Variants in TRPM3 observed in about 807,000 individuals in gnomAD.
The protein encoded by TRPM3 is long transient receptor potential channel 3.
TRPM3 carries 77 observed loss-of-function variants against 181.2 expected under a neutral mutation model. The observed-to-expected ratio is 0.42, with a 90% CI of 0.35 to 0.51. The LOEUF (loss-of-function observed/expected upper bound fraction) is 0.51. Ranked by LOEUF, TRPM3 falls within the 20% of genes least tolerant of loss-of-function variation. The pLI, the probability that TRPM3 is intolerant of heterozygous loss-of-function variation, is 0.01. For missense variants in TRPM3, 1,759 were observed against 2,196.7 expected, an observed-to-expected ratio of 0.80 and a Z score of 3.98; for synonymous variants, 745 against 796.4, an observed-to-expected ratio of 0.94 and a Z score of 1.09.
chr9:71,095,942 C>T (rs2067115580), intron 1 of TRPM3, among the ~76,000 whole-genome samples: 1 of 151,988 alleles, frequency 6.6e-6, no homozygotes, highest in African/African-American at 2.4e-5. Context: ...TATAAAATCA[C>T]AATTCTCTTC....
At chr9:71,121,745 T>C, upstream of TRPM3, 1 of 486,018 alleles carries the variant, frequency 2.1e-6, no homozygotes, top group Non-Finnish European at 2.7e-6. Context: ...GGAACAAAAA[T>C]GAAGCCAGAA....
Position 70,920,147 on chromosome 9 carries a change from CT to C in TRPM3, c.178-55637del, listed in dbSNP as rs535532190. The stretch of plus-strand genomic sequence containing the variant: ...TTACCTCAAAAGGCTAAGGACCAGT[CT>C]TTTTTTATTACTTCATCTTCAATAT... On this transcript the variant is annotated intron_variant, in intron 1 of 25. Transcript: ENST00000677713. Among the ~76,000 whole-genome samples the C allele has an allele frequency of 2.2e-3, 342 of 152,290 alleles. 3 individuals are homozygous for C. The highest frequency in any genetic ancestry group is 7.6e-3 in the African/African-American group (316 of 41,564).
At chr9:70,678,131 G>A (rs1413192472) in intron 9 of TRPM3, among the ~76,000 whole-genome samples, 1 of 152,110 alleles carries the variant, frequency 6.6e-6, no homozygotes, top group African/African-American at 2.4e-5. Context: ...TGAGACCACC[G>A]ACCTTGTGGA....
In TRPM3 at chr9:71,023,253, G is replaced by A. The variant is rs567842423; in HGVS notation, c.177+97925C>T. ...ATGAAAAGATGTTCAAACGTAATTCGCCATCAGGGAAATGCAAATTAAAAC... is the reference window on the plus strand; with the variant it reads ...ATGAAAAGATGTTCAAACGTAATTCACCATCAGGGAAATGCAAATTAAAAC... On this transcript the variant is annotated intron_variant, in intron 1 of 25. Transcript: ENST00000677713. Among the ~76,000 whole-genome samples the A allele has an allele frequency of 2.6e-4, 40 of 152,180 alleles. No individual in the cohort carries two copies. In the East Asian group the frequency reaches 3.9e-3, roughly 15 times the overall value.
At chr9:71,032,085 ATATAATT>A (rs2057532187) in intron 1 of TRPM3, among the ~76,000 whole-genome samples, 1 of 11,708 alleles carries the variant, frequency 8.5e-5, no homozygotes. Flanking sequence ...TATTATATAT[ATATAATT>A]ATATAATATT....
At chr9:70,555,117 C>T (rs761043948) in intron 22 of TRPM3, among the ~76,000 whole-genome samples, 57 of 152,280 alleles carry the variant, frequency 3.7e-4, no homozygotes, top group South Asian at 1.2e-3. Flanking sequence ...AAATGCCATG[C>T]GCTCTCTTAC....
intron 22 of TRPM3, among the ~76,000 whole-genome samples, chr9:70,562,202 T>A (rs1239004356): frequency 6.6e-6 from 1 of 152,206 alleles, no homozygotes; most frequent in Non-Finnish European, 1.5e-5. Flanking sequence ...TGTGGTTGAC[T>A]GAAGTTTGGG....
chr9:70,913,363 G>T (rs2096557880), intron 1 of TRPM3, among the ~76,000 whole-genome samples: 1 of 152,286 alleles, frequency 6.6e-6, no homozygotes, highest in East Asian at 1.9e-4. Context: ...AATCAGTGCA[G>T]TGTAGTGACC....
rs551382474 is a variant in TRPM3 at position 70,807,654 on chromosome 9, A to G, written c.973+20193T>C. On this transcript the variant is annotated intron_variant, in intron 6 of 25. Transcript: ENST00000677713. Reference sequence around the variant, plus strand: ...AAGGTTTTCAGAATGACCACAATGAATAAGACACAGGCTGTGCTCTATAGG... The same window carrying G: ...AAGGTTTTCAGAATGACCACAATGAGTAAGACACAGGCTGTGCTCTATAGG... 5.3e-3 allele frequency among the ~76,000 whole-genome samples: 805 copies of G among 152,274 alleles called. 3 individuals carry two copies. Among genetic ancestry groups the G allele is most frequent in the Non-Finnish European group, 8.9e-3 (602 of 68,020 alleles).
At chr9:70,792,500 A>G (rs2131023334) in intron 6 of TRPM3, among the ~76,000 whole-genome samples, 1 of 151,840 alleles carries the variant, frequency 6.6e-6, no homozygotes, top group South Asian at 2.1e-4. Context: ...AAAGAGAGGG[A>G]AAAAGAGGGA....
chr9:71,208,754 T>C (rs2079286245), intron 1 of TRPM3, among the ~76,000 whole-genome samples: 1 of 152,226 alleles, frequency 6.6e-6, no homozygotes, highest in South Asian at 2.1e-4. Context: ...TAAATAATTA[T>C]ATCATATCTG....
At chr9:71,186,323 C>A (rs950580868) in intron 1 of TRPM3, among the ~76,000 whole-genome samples, 1 of 152,056 alleles carries the variant, frequency 6.6e-6, no homozygotes, top group Non-Finnish European at 1.5e-5. Context: ...ATATCAAAAA[C>A]ATTTCAGAAA....
chr9:70,900,495 T>C (rs2096369460), intron 1 of TRPM3, among the ~76,000 whole-genome samples: 1 of 152,188 alleles, frequency 6.6e-6, no homozygotes, highest in Non-Finnish European at 1.5e-5. Context: ...TAGGAATAGA[T>C]TAAAATTTTA....
intron 20 of TRPM3, among the ~76,000 whole-genome samples, chr9:70,602,634 G>A (rs1194934129): frequency 6.6e-6 from 1 of 152,180 alleles, no homozygotes; most frequent in Non-Finnish European, 1.5e-5. Flanking sequence ...GAGTGGGGCT[G>A]CAGAGCCCTC....
At chr9:71,221,405 G>C (rs1269123463) in intron 1 of TRPM3, among the ~76,000 whole-genome samples, 1 of 151,994 alleles carries the variant, frequency 6.6e-6, no homozygotes, top group Non-Finnish European at 1.5e-5. Flanking sequence ...TAAATTTCTA[G>C]GAGCCAAATA....
chr9:70,811,062 A>C lies in TRPM3; in HGVS notation c.973+16785T>G, dbSNP rs78495720. 5 of 818,828 alleles carry C rather than the reference A, an allele frequency of 6.1e-6. No homozygotes were observed. The South Asian group carries it at 6.8e-5, about 11-fold the overall frequency. The allele number at this position is 818,828 out of a possible 1,614,324, so 50.7% of individuals were successfully genotyped here. A position where few individuals can be genotyped will look rare whatever the true frequency, so the allele number is the denominator to read the frequency against. On this transcript the variant is annotated intron_variant, in intron 6 of 25. Transcript: ENST00000677713. ...TCAGAAGAGATAGAGATAAAACAAC[A>C]GTCATAGGGAGTGATACTGTTAGGA...
At chr9:70,764,102 G>A (rs115165566) in intron 7 of TRPM3, among the ~76,000 whole-genome samples, 2 of 152,146 alleles carry the variant, frequency 1.3e-5, no homozygotes, top group Admixed American at 6.5e-5. Context: ...CGAAGGTGAC[G>A]TTATAGAGAT....
intron 8 of TRPM3, among the ~76,000 whole-genome samples, chr9:70,689,518 C>CT (rs1215056856): frequency 9.2e-5 from 8 of 86,692 alleles, no homozygotes; most frequent in African/African-American, 3.7e-4. Context: ...CACTAAATTA[C>CT]TTTAAAAAAA....
intron 19 of TRPM3, among the ~76,000 whole-genome samples, chr9:70,605,911 A>G (rs186971501): frequency 1.3e-5 from 2 of 152,208 alleles, no homozygotes; most frequent in African/African-American, 4.8e-5. Context: ...TGACATGCAC[A>G]TTCTTCCAGA....
Sources: gnomAD v4.1 joint callset for allele counts (sites outside exome capture counted in the v4.1 genomes callset) on GRCh38, gnomAD v4.1.1 for gene constraint, MANE v1.5 for transcripts, NCBI Gene and HGNC (gene_info 2026-07-23, HGNC 2026-07-21) for gene names.